The following ACTR3C variants were observed in gnomAD, a reference collection of about 807,000 sequenced individuals.
The protein encoded by ACTR3C is actin-related protein 3C.
A neutral mutation model predicts 26.3 loss-of-function variants in ACTR3C; 18 were observed. That is an observed-to-expected ratio of 0.68 (90% CI 0.47 to 1.01). The LOEUF (loss-of-function observed/expected upper bound fraction) is 1.01. Among genes scored for constraint, ACTR3C ranks in the 50% least tolerant of loss-of-function variants. ACTR3C has a pLI of 0.00. For missense variants in ACTR3C, 184 were observed against 250.7 expected, an observed-to-expected ratio of 0.73 and a Z score of 1.80; for synonymous variants, 55 against 94.5, an observed-to-expected ratio of 0.58 and a Z score of 2.42.
chr7:150,045,407 T>C, the ACTR3C span, among the ~76,000 whole-genome samples: 243 of 152,372 alleles, frequency 1.6e-3, no homozygotes, highest in Non-Finnish European at 2.5e-3. Context: ...AGTTTAATTA[T>C]ACAATTTAAA....
chr7:149,884,647 G>T, the ACTR3C span, among the ~76,000 whole-genome samples: 1 of 152,098 alleles, frequency 6.6e-6, no homozygotes, highest in Non-Finnish European at 1.5e-5. Context: ...TGGAATTCTG[G>T]GATGGAAGCC....
At chr7:149,916,412 T>TA in the ACTR3C span, among the ~76,000 whole-genome samples, 3 of 150,204 alleles carry the variant, frequency 2.0e-5, no homozygotes, top group Non-Finnish European at 4.4e-5. Flanking sequence ...GCTTGTTGTT[T>TA]ACCTTGTTAT....
chr7:149,895,995 T>G, the ACTR3C span, among the ~76,000 whole-genome samples: 1 of 141,660 alleles, frequency 7.1e-6, no homozygotes, highest in Non-Finnish European at 1.5e-5. Flanking sequence ...TCTGGGAGTT[T>G]GAGACCAGTC....
chr7:149,942,916 C>T, the ACTR3C span, among the ~76,000 whole-genome samples: 1 of 151,710 alleles, frequency 6.6e-6, no homozygotes. Context: ...TTATGTTTCA[C>T]ATGCTTGGGC....
chr7:150,017,470 T>C, the ACTR3C span, among the ~76,000 whole-genome samples: 3 of 144,596 alleles, frequency 2.1e-5, 1 homozygote, highest in East Asian at 1.9e-4. Context: ...ACTGTGCCAT[T>C]GTGCAGTTGT....
At chr7:150,159,405 C>T in the ACTR3C span, among the ~76,000 whole-genome samples, 1,814 of 152,254 alleles carry the variant, frequency 0.012, 13 homozygotes, top group South Asian at 0.027. Context: ...AGGATCGATT[C>T]GTCGTGGAAG....
chr7:150,255,392 A>T (rs1187200088), intron 6 of ACTR3C, among the ~76,000 whole-genome samples: 2 of 152,178 alleles, frequency 1.3e-5, no homozygotes, highest in East Asian at 3.9e-4. Context: ...CTTGAACGCT[A>T]GTAGGCTCCC....
the ACTR3C span, among the ~76,000 whole-genome samples, chr7:150,127,073 G>A: frequency 0.051 from 6,488 of 126,330 alleles, no homozygotes; most frequent in African/African-American, 0.09. Flanking sequence ...AATCCTCAGA[G>A]GACTTGTGAG....
chr7:149,968,794 G>GT, the ACTR3C span, among the ~76,000 whole-genome samples: 1 of 152,130 alleles, frequency 6.6e-6, no homozygotes, highest in Non-Finnish European at 1.5e-5. Flanking sequence ...CATGCAATTC[G>GT]TATTTCAGGG....
chr7:150,013,814 G>A, the ACTR3C span, among the ~76,000 whole-genome samples: 1 of 152,214 alleles, frequency 6.6e-6, no homozygotes, highest in Non-Finnish European at 1.5e-5. Flanking sequence ...AAGGGAAGAG[G>A]GCATGATGGA....
At chr7:150,035,326 G>C in the ACTR3C span, among the ~76,000 whole-genome samples, 1 of 61,342 alleles carries the variant, frequency 1.6e-5, no homozygotes, top group Non-Finnish European at 4.1e-5. Flanking sequence ...CCAACAGCCA[G>C]GGGCGGAAGA....
At chr7:149,925,942 AG>A in the ACTR3C span, among the ~76,000 whole-genome samples, 1 of 152,110 alleles carries the variant, frequency 6.6e-6, no homozygotes, top group Non-Finnish European at 1.5e-5. Flanking sequence ...ATGCACCTGT[AG>A]TCCCAGCTAC....
chr7:150,070,740 G>C, the ACTR3C span, among the ~76,000 whole-genome samples: 1,074 of 142,174 alleles, frequency 7.6e-3, 9 homozygotes, highest in African/African-American at 0.026. Flanking sequence ...CGTGAGCCAC[G>C]GTGCCTGGCC....
chr7:149,902,418 G>T, the ACTR3C span, among the ~76,000 whole-genome samples: 2 of 111,018 alleles, frequency 1.8e-5, no homozygotes, highest in African/African-American at 3.6e-5. Flanking sequence ...AGTTCAGCAT[G>T]TACTTCATAT....
At chr7:149,922,970 C>CTTTTTTTTTTTTT in the ACTR3C span, among the ~76,000 whole-genome samples, 226 of 69,148 alleles carry the variant, frequency 3.3e-3, 36 homozygotes, top group East Asian at 0.043. Flanking sequence ...AAATAAAAGG[C>CTTTTTTTTTTTTT]TTTTTTTTTT....
the ACTR3C span, among the ~76,000 whole-genome samples, chr7:149,891,901 TA>T: frequency 0.33 from 20,934 of 62,772 alleles, 3,939 homozygotes; most frequent in African/African-American, 0.41. Context: ...TCTGGAGCTT[TA>T]AAAAAAAAAA....
chr7:150,011,540 G>A, the ACTR3C span, among the ~76,000 whole-genome samples: 18 of 152,142 alleles, frequency 1.2e-4, no homozygotes, highest in Non-Finnish European at 1.9e-4. Context: ...AGCCAAGATC[G>A]CGCCATTGCA....
At chr7:149,948,827 T>C in the ACTR3C span, among the ~76,000 whole-genome samples, 2 of 151,804 alleles carry the variant, frequency 1.3e-5, no homozygotes, top group South Asian at 4.2e-4. Context: ...CCGCTCTGGC[T>C]CCTAAAATTC....
At chr7:150,037,899 C>A in the ACTR3C span, among the ~76,000 whole-genome samples, 73 of 123,998 alleles carry the variant, frequency 5.9e-4, 2 homozygotes, top group African/African-American at 1.9e-3. Context: ...AAGAGGGGCT[C>A]GCTCTCAGTC....
Sources: allele counts gnomAD v4.1 joint callset (sites outside exome capture counted in the v4.1 genomes callset), GRCh38; gene constraint gnomAD v4.1.1; transcripts MANE v1.5; gene names NCBI Gene and HGNC (gene_info 2026-07-23, HGNC 2026-07-21).